Variants in SPATA16 observed in about 807,000 individuals in gnomAD.
The protein encoded by SPATA16 is spermatogenesis associated 16, also known as spermatogenesis-associated protein 16.
A neutral mutation model predicts 63.3 loss-of-function variants in SPATA16; 36 were observed. The ratio of observed to expected loss-of-function variants is 0.57; its 90% CI spans 0.44 to 0.75. The LOEUF is 0.75. SPATA16 is among the 30% of genes least tolerant of loss of function. The probability of loss-of-function intolerance (pLI) is 0.00; values close to 1 mark genes in which losing one functional copy is unlikely to be tolerated. For synonymous variants in SPATA16, 203 were observed against 216.7 expected (o/e 0.94, Z 0.56); for missense variants, 646 against 679.3 (o/e 0.95, Z 0.54).
At chr3:173,054,726 C>T (rs997936959) in intron 2 of SPATA16, among the ~76,000 whole-genome samples, 10 of 151,954 alleles carry the variant, frequency 6.6e-5, no homozygotes, top group South Asian at 6.2e-4. Flanking sequence ...CAAACCTGTA[C>T]GTTCCGCACA....
At chr3:172,984,294 A>T (rs1022322378) in intron 4 of SPATA16, among the ~76,000 whole-genome samples, 3 of 152,128 alleles carry the variant, frequency 2.0e-5, no homozygotes, top group African/African-American at 7.2e-5. Flanking sequence ...GGAGCCTACC[A>T]TTACAGTGCC....
At chr3:173,059,484 A>G (rs1736325319) in intron 2 of SPATA16, among the ~76,000 whole-genome samples, 1 of 151,466 alleles carries the variant, frequency 6.6e-6, no homozygotes, top group Admixed American at 6.6e-5. Context: ...TTTCTTATAT[A>G]TAAATTTGTT....
At chr3:173,081,325 G>A (rs1736917369) in intron 2 of SPATA16, among the ~76,000 whole-genome samples, 1 of 152,220 alleles carries the variant, frequency 6.6e-6, no homozygotes, top group South Asian at 2.1e-4. Context: ...CTATTCCTAT[G>A]CCAAGTTCCG....
intron 2 of SPATA16, among the ~76,000 whole-genome samples, chr3:173,084,879 G>T (rs1371339676): frequency 6.6e-6 from 1 of 152,108 alleles, no homozygotes; most frequent in East Asian, 1.9e-4. Flanking sequence ...TGGTCTATAT[G>T]TCTGTTTTTG....
intron 3 of SPATA16, among the ~76,000 whole-genome samples, chr3:173,022,936 G>A (rs759826911): frequency 9.9e-5 from 15 of 151,936 alleles, no homozygotes; most frequent in Non-Finnish European, 1.6e-4. Context: ...TTAGTAATGG[G>A]CAATGATTGC....
At chr3:173,027,354 C>A (rs562424581) in intron 3 of SPATA16, among the ~76,000 whole-genome samples, 45 of 152,084 alleles carry the variant, frequency 3.0e-4, no homozygotes, top group African/African-American at 1.0e-3. Context: ...ATTACATCTT[C>A]TGCAACTAAA....
intron 2 of SPATA16, among the ~76,000 whole-genome samples, chr3:173,079,164 T>G (rs1187003765): frequency 6.6e-6 from 1 of 152,152 alleles, no homozygotes; most frequent in African/African-American, 2.4e-5. Context: ...GTCCAAAGAC[T>G]GACAGTGAGT....
chr3:172,916,591 G>A lies in SPATA16; in HGVS notation c.1339-110C>T, dbSNP rs180849213. On this transcript the variant is annotated intron_variant, in intron 8 of 10. Transcript: ENST00000351008. ...ACGTATTTACATCTTTTGAAATAACGGAATCTAGTACAAATACATGTTTCC... is the reference window on the plus strand; with the variant it reads ...ACGTATTTACATCTTTTGAAATAACAGAATCTAGTACAAATACATGTTTCC... 436 of 1,171,164 alleles carry A rather than the reference G, an allele frequency of 3.7e-4. 1 individual carries two copies. The highest frequency in any genetic ancestry group is 5.3e-4 in the Non-Finnish European group (421 of 792,742). The allele number at this position is 1,171,164 out of a possible 1,614,324, so 72.5% of individuals were successfully genotyped here.
At chr3:172,977,642 A>T (rs1196612395) in intron 4 of SPATA16, among the ~76,000 whole-genome samples, 1 of 152,128 alleles carries the variant, frequency 6.6e-6, no homozygotes, top group East Asian at 1.9e-4. Context: ...AGTTGAGGGG[A>T]TATTAAAAAC....
intron 10 of SPATA16, among the ~76,000 whole-genome samples, chr3:172,903,605 A>T (rs181846436): frequency 3.9e-5 from 6 of 152,336 alleles, no homozygotes; most frequent in Admixed American, 2.6e-4. Context: ...TTCACTAGAG[A>T]GTGACCCTCA....
chr3:173,045,012 T>A (rs1215613887), intron 3 of SPATA16, among the ~76,000 whole-genome samples: 1 of 152,144 alleles, frequency 6.6e-6, no homozygotes, highest in Non-Finnish European at 1.5e-5. Flanking sequence ...TTCCAAGCAC[T>A]GCAGGTCACC....
chr3:173,116,855 AC>A lies in SPATA16; in HGVS notation c.612+264del, dbSNP rs1473608919. 5.3e-5 allele frequency among the ~76,000 whole-genome samples: 8 copies of A among 152,216 alleles called. 1 individual carries two copies. The East Asian group carries it at 1.3e-3, about 26-fold the overall frequency. On this transcript the variant is annotated intron_variant, in intron 2 of 10. Coordinates refer to ENST00000351008, the MANE Select transcript of SPATA16 (RefSeq NM_031955.6). ...AGCAACTGCATTTTAAAAATATATC[AC>A]CATTCACTTCAGGGTTTGTAAAAAG...
intron 8 of SPATA16, among the ~76,000 whole-genome samples, chr3:172,921,677 C>G (rs1732618418): frequency 6.6e-6 from 1 of 152,178 alleles, no homozygotes; most frequent in African/African-American, 2.4e-5. Context: ...AAAACAGTCT[C>G]TTTGTCAAAG....
At chr3:172,929,448 A>G (rs4072800) in intron 6 of SPATA16, among the ~76,000 whole-genome samples, 78,296 of 152,038 alleles carry the variant, frequency 0.51, 23,188 homozygotes, top group South Asian at 0.67. Context: ...ATTGTACTCC[A>G]GAAGGCTGAA....
chr3:173,015,762 A>C (rs922488434), intron 4 of SPATA16, among the ~76,000 whole-genome samples: 1 of 152,172 alleles, frequency 6.6e-6, no homozygotes, highest in Middle Eastern at 3.2e-3. Context: ...TGATACCTGT[A>C]TTGTCAAAAG....
chr3:172,990,030 C>T (rs943253221), intron 4 of SPATA16, among the ~76,000 whole-genome samples: 6 of 152,136 alleles, frequency 3.9e-5, no homozygotes, highest in Non-Finnish European at 7.4e-5. Flanking sequence ...TTGCTTATGT[C>T]ATCTCTTAGA....
chr3:172,957,835 G>T (rs1733637549), intron 5 of SPATA16, among the ~76,000 whole-genome samples: 1 of 152,124 alleles, frequency 6.6e-6, no homozygotes, highest in South Asian at 2.1e-4. Context: ...AAAAACAACA[G>T]GGAGTGGATT....
intron 8 of SPATA16, among the ~76,000 whole-genome samples, chr3:172,917,840 T>G (rs1216218025): frequency 3.3e-5 from 5 of 152,222 alleles, no homozygotes; most frequent in Admixed American, 3.3e-4. Context: ...AAAATTAGAA[T>G]GCACTTCTTT....
At chr3:173,123,785 A>G (rs566573659) in intron 1 of SPATA16, among the ~76,000 whole-genome samples, 3 of 151,660 alleles carry the variant, frequency 2.0e-5, no homozygotes, top group African/African-American at 7.3e-5. Context: ...TGTATTTTTA[A>G]TAGATGCGGG....
Sources: gnomAD v4.1 joint callset for allele counts (sites outside exome capture counted in the v4.1 genomes callset) on GRCh38, gnomAD v4.1.1 for gene constraint, MANE v1.5 for transcripts, NCBI Gene and HGNC (gene_info 2026-07-23, HGNC 2026-07-21) for gene names.